Variants in CASP10 observed in about 807,000 individuals in gnomAD.
The protein encoded by CASP10 is caspase 10.
Under a neutral mutation model 48.5 loss-of-function variants are expected in CASP10, and 41 were observed. The ratio of observed to expected loss-of-function variants is 0.85; its 90% CI spans 0.66 to 1.10. The LOEUF is 1.10. Ranked by LOEUF, CASP10 falls within the 50% of genes least tolerant of loss-of-function variation. CASP10 has a pLI of 0.00. For synonymous variants in CASP10, 232 were observed against 238.4 expected, an observed-to-expected ratio of 0.97 and a Z score of 0.25; for missense variants, 614 against 614.5, an observed-to-expected ratio of 1.00 and a Z score of 0.01.
chr2:201,196,025 A>G, intron 5 of CASP10, 77 bp downstream of exon 5: 4 of 973,824 alleles, frequency 4.1e-6, no homozygotes, highest in South Asian at 3.9e-5. Flanking sequence ...CACCCCAAAA[A>G]AGAAAAAGAG....
intron 5 of CASP10, among the ~76,000 whole-genome samples, chr2:201,198,837 G>A (rs1400185361): frequency 6.6e-6 from 1 of 152,102 alleles, no homozygotes; most frequent in Non-Finnish European, 1.5e-5. Flanking sequence ...ACCGCGCCCG[G>A]CCTATATTTT....
At chr2:201,210,851 A>T (rs961203761) in intron 9 of CASP10, among the ~76,000 whole-genome samples, 1 of 152,242 alleles carries the variant, frequency 6.6e-6, no homozygotes, top group Non-Finnish European at 1.5e-5. Context: ...GTGAATATTT[A>T]AATTATTATT....
At chr2:201,187,472 A>G (rs552469662) in intron 2 of CASP10, among the ~76,000 whole-genome samples, 1 of 152,020 alleles carries the variant, frequency 6.6e-6, no homozygotes, top group African/African-American at 2.4e-5. Context: ...GAAAAACAGC[A>G]TTAGACTTGG....
Position 201,196,031 on chromosome 2 carries a change from AAGAG to A in CASP10, c.684+90_684+93del, listed in dbSNP as rs976718383. ...CCTCCCTGCCACCCCAAAAAAGAAA[AAGAG>A]AGAGAGGCCCCGGTTTGTACCATTT... On this transcript the variant is annotated intron_variant, in intron 5 of 9. Coordinates refer to ENST00000286186, the MANE Select transcript of CASP10 (RefSeq NM_032977.4). The A allele has an allele frequency of 1.3e-5, 12 of 910,624 alleles. No homozygotes were observed. The African/African-American group carries it at 1.8e-4, about 14-fold the overall frequency. The allele number at this position is 910,624 out of a possible 1,614,324, so 56.4% of individuals were successfully genotyped here.
chr2:201,228,954 G>A, exon 10 of CASP10: 3 of 1,614,132 alleles, frequency 1.9e-6, no homozygotes, highest in African/African-American at 2.7e-5. Flanking sequence ...TTCTGGAAAA[G>A]ACAATGGAAA....
chr2:201,205,509 G>T (rs539259682), intron 6 of CASP10, among the ~76,000 whole-genome samples: 1 of 152,164 alleles, frequency 6.6e-6, no homozygotes, highest in Non-Finnish European at 1.5e-5. Flanking sequence ...GGGATTACAG[G>T]CATGAGCCAC....
At chr2:201,201,802 AT>A (rs202153576) in intron 5 of CASP10, among the ~76,000 whole-genome samples, 11 of 150,826 alleles carry the variant, frequency 7.3e-5, no homozygotes, top group African/African-American at 1.7e-4. Flanking sequence ...GCACCTGAGG[AT>A]TTTTTTTTTA....
At chr2:201,212,048 A>G (rs1945413667) in intron 9 of CASP10, among the ~76,000 whole-genome samples, 1 of 152,128 alleles carries the variant, frequency 6.6e-6, no homozygotes, top group South Asian at 2.1e-4. Context: ...TCCTAGGTTC[A>G]AGCAATTCTT....
At chr2:201,185,070 C>T (rs1200953317) in intron 1 of CASP10, among the ~76,000 whole-genome samples, 1 of 152,070 alleles carries the variant, frequency 6.6e-6, no homozygotes, top group Non-Finnish European at 1.5e-5. Context: ...TGGCTCACTG[C>T]AACCTGTGCT....
chr2:201,194,578 A>G (rs1944723109), intron 4 of CASP10, among the ~76,000 whole-genome samples: 1 of 152,202 alleles, frequency 6.6e-6, no homozygotes. Flanking sequence ...TGATATGGAA[A>G]GAATATTTGA....
At chr2:201,183,748 G>T (rs192292416) in intron 1 of CASP10, among the ~76,000 whole-genome samples, 12 of 152,260 alleles carry the variant, frequency 7.9e-5, no homozygotes, top group Admixed American at 7.8e-4. Context: ...TAAAATTTGA[G>T]AAATTCAATT....
intron 9 of CASP10, among the ~76,000 whole-genome samples, chr2:201,217,276 CT>C (rs1402677270): frequency 6.6e-6 from 1 of 152,128 alleles, no homozygotes; most frequent in Non-Finnish European, 1.5e-5. Flanking sequence ...AAAAAAGTTT[CT>C]TCTCTGGGCC....
At chr2:201,225,062 A>C (rs1945770929), downstream of CASP10, among the ~76,000 whole-genome samples, 1 of 152,056 alleles carries the variant, frequency 6.6e-6, no homozygotes, top group Admixed American at 6.6e-5. Flanking sequence ...TTCAATTCCA[A>C]GCATGTCCCT....
chr2:201,186,027 T>TG lies in CASP10; in HGVS notation c.250_251insG (p.Tyr84Ter). 1 of 1,613,412 alleles carries TG rather than the reference T, an allele frequency of 6.2e-7. No individual in the cohort carries two copies. Among genetic ancestry groups the TG allele is most frequent in the Admixed American group, 1.7e-5 (1 of 60,016 alleles). The change falls in exon 2 of 10, where the codon TAT becomes TGAT. Residue 84 changes from tyrosine to a stop codon, truncating the protein, a stop_gained and frameshift_variant. Coordinates refer to ENST00000286186, the MANE Select transcript of CASP10 (RefSeq NM_032977.4). LOFTEE classifies it high-confidence loss of function. The part of the protein sequence containing the change: ...EDPFFLAELL[Y>*]IIRQKKLLQH... ...CCCTTTCTTCCTGGCAGAACTCCTC[T>TG]ATATCATACGGCAGAAGAAGCTGCT...
intron 7 of CASP10, among the ~76,000 whole-genome samples, chr2:201,207,217 A>G (rs1945234808): frequency 1.3e-5 from 2 of 152,230 alleles, no homozygotes; most frequent in African/African-American, 4.8e-5. Flanking sequence ...TCAGATCACA[A>G]TTGTGCAGTA....
chr2:201,227,160 G>A (rs1296773855), intron 9 of CASP10, among the ~76,000 whole-genome samples: 3 of 152,120 alleles, frequency 2.0e-5, no homozygotes, highest in Non-Finnish European at 2.9e-5. Flanking sequence ...ATCTTCAACT[G>A]AGTGCTAGAT....
At chr2:201,186,510 T>A (rs1944421161) in intron 2 of CASP10, 1 of 226,332 alleles carries the variant, frequency 4.4e-6, no homozygotes, top group Non-Finnish European at 8.9e-6. Flanking sequence ...AATGCATACT[T>A]GGAGTGAAAT....
chr2:201,225,200 C>T (rs1340170919), downstream of CASP10, among the ~76,000 whole-genome samples: 1 of 152,164 alleles, frequency 6.6e-6, no homozygotes, highest in Admixed American at 6.6e-5. Flanking sequence ...ATGTCAGCAC[C>T]GCCCCTCACT....
chr2:201,191,894 A>G (rs1944624566), intron 3 of CASP10, among the ~76,000 whole-genome samples: 1 of 152,228 alleles, frequency 6.6e-6, no homozygotes. Flanking sequence ...TTTAACAAAA[A>G]AGCAAAAAAA....
Sources: gnomAD v4.1 joint callset for allele counts (sites outside exome capture counted in the v4.1 genomes callset) on GRCh38, gnomAD v4.1.1 for gene constraint, MANE v1.5 for transcripts, NCBI Gene and HGNC (gene_info 2026-07-23, HGNC 2026-07-21) for gene names.